FBXO15: variants seen among roughly 807,000 people sequenced by gnomAD.
FBXO15 encodes the protein F-box protein 15.
A neutral mutation model predicts 49.5 loss-of-function variants in FBXO15; 30 were observed. The ratio of observed to expected loss-of-function variants is 0.61; its 90% CI spans 0.45 to 0.82. The LOEUF (loss-of-function observed/expected upper bound fraction) is 0.82, where lower values mean the gene tolerates loss of function less well. Ranked by LOEUF, FBXO15 falls within the 40% of genes least tolerant of loss-of-function variation. The pLI, the probability that FBXO15 is intolerant of heterozygous loss-of-function variation, is 0.00. For synonymous variants in FBXO15, 250 were observed against 232.7 expected, an observed-to-expected ratio of 1.07 and a Z score of -0.68; for missense variants, 591 against 631.5, an observed-to-expected ratio of 0.94 and a Z score of 0.69.
chr18:74,097,082 T>C (rs1392326187), intron 8 of FBXO15: 2 of 152,234 alleles, frequency 1.3e-5, no homozygotes, highest in Admixed American at 1.3e-4. Flanking sequence ...AAAAGCCCTG[T>C]GGGCTCTCTG....
intron 7 of FBXO15, among the ~76,000 whole-genome samples, chr18:74,123,991 TA>T (rs879663317): frequency 0.034 from 4,766 of 140,656 alleles, 139 homozygotes; most frequent in African/African-American, 0.087. Context: ...CTCAGGTAAT[TA>T]AAAAAAAAAA....
intron 8 of FBXO15, among the ~76,000 whole-genome samples, chr18:74,091,712 C>T (rs558517586): frequency 6.6e-6 from 1 of 152,298 alleles, no homozygotes; most frequent in African/African-American, 2.4e-5. Context: ...TGACTAAAGG[C>T]ACTCATTCTT....
At chr18:74,147,428 C>A in intron 1 of FBXO15, 1 of 1,106,444 alleles carries the variant, frequency 9.0e-7, no homozygotes, top group Non-Finnish European at 1.1e-6. Context: ...CATCCCCGGC[C>A]ACAGGCGCCG....
chr18:74,107,996 A>T (rs55850345), intron 8 of FBXO15, among the ~76,000 whole-genome samples: 13,291 of 152,176 alleles, frequency 0.087, 811 homozygotes, highest in Admixed American at 0.2. Flanking sequence ...GAAGTTCACA[A>T]TCTGGGGTCA....
At chr18:74,116,579 C>T (rs1406660764) in intron 8 of FBXO15, among the ~76,000 whole-genome samples, 1 of 152,184 alleles carries the variant, frequency 6.6e-6, no homozygotes, top group Admixed American at 6.5e-5. Context: ...CCTACTACCT[C>T]GGCCTGGACC....
intron 8 of FBXO15, among the ~76,000 whole-genome samples, chr18:74,116,809 A>G (rs1279938425): frequency 6.6e-6 from 1 of 152,052 alleles, no homozygotes; most frequent in Non-Finnish European, 1.5e-5. Context: ...CCTGCATTCA[A>G]TAACGGTTTG....
chr18:74,124,529 G>A lies in FBXO15; in HGVS notation c.955C>T (p.His319Tyr), dbSNP rs747790032. 1 of 1,613,978 alleles carries A rather than the reference G, an allele frequency of 6.2e-7. No homozygotes were observed. Among genetic ancestry groups the A allele is most frequent in the African/African-American group, 1.3e-5 (1 of 74,924 alleles). Residue 319 changes from histidine (H) to tyrosine (Y), a missense_variant, in exon 7 of 10, where the codon CAT becomes TAT. By Grantham distance (83) the His-to-Tyr change is moderately conservative (BLOSUM62 2). Coordinates refer to ENST00000419743, the MANE Select transcript of FBXO15 (RefSeq NM_001142958.2). The part of the protein sequence containing the change: ...LAFVMANLHF[H>Y]HLVERSTLGS... ...AATGTGCTCCTCTCCACAAGGTGAT[G>A]AAAATGAAGATTTGCCATAACAAAA...
Position 74,140,257 on chromosome 18 carries a change from C to T in FBXO15, c.172G>A (p.Gly58Arg), listed in dbSNP as rs750173319. 78 of 1,551,464 alleles carry T rather than the reference C, an allele frequency of 5.0e-5. No homozygotes were observed. Among genetic ancestry groups the T allele is most frequent in the South Asian group, 3.8e-4 (32 of 84,046 alleles). The change falls in exon 2 of 10, where the codon GGA becomes AGA. Residue 58 changes from glycine to arginine, a missense_variant. Gly to Arg is a moderately radical substitution (Grantham distance 125). Coordinates refer to ENST00000419743, the MANE Select transcript of FBXO15 (RefSeq NM_001142958.2). ...AGSAALRCHA[G>R]GGQHWESSFS... ...GAGCTCTCCCAGTGCTGTCCACCTC[C>T]GGCATGGCACCTCAGGGCAGCAGAG...
rs964103794 is a variant in FBXO15, at chr18:74,102,520, T to C, written c.1139-20469A>G. Among the ~76,000 whole-genome samples the C allele has an allele frequency of 5.3e-5, 8 of 152,294 alleles. No individual in the cohort carries two copies. In the South Asian group the frequency reaches 1.7e-3, roughly 32 times the overall value. On this transcript the variant is annotated intron_variant, in intron 8 of 9. Coordinates refer to ENST00000419743, the MANE Select transcript of FBXO15 (RefSeq NM_001142958.2). Reference sequence around the variant, plus strand: ...TACTGCTGAAGGGAATGTAAACTAGTACAACCACTGTGGAAAATAGTGTGG... The same window carrying C: ...TACTGCTGAAGGGAATGTAAACTAGCACAACCACTGTGGAAAATAGTGTGG...
intron 8 of FBXO15, among the ~76,000 whole-genome samples, chr18:74,088,819 A>AT (rs1396778449): frequency 2.6e-5 from 4 of 152,094 alleles, no homozygotes; most frequent in South Asian, 4.1e-4. Flanking sequence ...AACAATATTG[A>AT]TTTTTCCTAT....
intron 8 of FBXO15, among the ~76,000 whole-genome samples, chr18:74,107,083 CA>C (rs201399664): frequency 0.011 from 1,624 of 151,814 alleles, 13 homozygotes; most frequent in Non-Finnish European, 0.014. Flanking sequence ...ATAAATTCTA[CA>C]TATTCTGAAT....
At chr18:74,090,017 T>C (rs1912950339) in intron 8 of FBXO15, among the ~76,000 whole-genome samples, 4 of 152,204 alleles carry the variant, frequency 2.6e-5, no homozygotes, top group African/African-American at 9.6e-5. Context: ...ATACAGCTGG[T>C]AGAATTTGGC....
chr18:74,077,878 T>G (rs1431807040), intron 9 of FBXO15, among the ~76,000 whole-genome samples: 1 of 152,148 alleles, frequency 6.6e-6, no homozygotes, highest in Admixed American at 6.5e-5. Context: ...CCCACCACCC[T>G]GCACGACCTT....
intron 3 of FBXO15, 115 bp downstream of exon 3, chr18:74,135,647 G>T (rs1204596986): frequency 3.2e-5 from 25 of 790,438 alleles, no homozygotes; most frequent in Non-Finnish European, 4.4e-5. Context: ...CCACTTGTGT[G>T]TAAAAATACT....
rs138656692 is a variant in FBXO15, at chr18:74,129,467, G to A, written c.723C>T (p.Thr241=). 1.9e-6 allele frequency: 3 copies of A among 1,613,866 alleles called. No individual in the cohort carries two copies. The highest frequency in any genetic ancestry group is 2.7e-5 in the African/African-American group (2 of 75,008). The change falls in exon 5 of 10, where the codon ACC becomes ACT. Residue 241 remains threonine (T), a synonymous_variant. Transcript: ENST00000419743. ...KKWPCLASLS[T]LDLCGMTPVF... is the part of the protein sequence containing the mutation. ...CTGGTGTCATGCCACATAAATCTAA[G>A]GTTGACAATGATGCTAGGCATGGCC...
At chr18:74,111,465 T>C (rs566257557) in intron 8 of FBXO15, among the ~76,000 whole-genome samples, 1 of 151,896 alleles carries the variant, frequency 6.6e-6, no homozygotes, top group African/African-American at 2.4e-5. Flanking sequence ...CAAGAAAAAA[T>C]TTAAAATGTT....
chr18:74,101,194 A>C (rs1221272675), intron 8 of FBXO15, among the ~76,000 whole-genome samples: 1 of 152,190 alleles, frequency 6.6e-6, no homozygotes, highest in African/African-American at 2.4e-5. Context: ...AACATATCAA[A>C]AAGATAATCC....
At chr18:74,095,523 T>C (rs2145134352) in intron 8 of FBXO15, among the ~76,000 whole-genome samples, 1 of 152,272 alleles carries the variant, frequency 6.6e-6, no homozygotes, top group East Asian at 1.9e-4. Flanking sequence ...AGTGGAGTAG[T>C]CAGAACACAT....
At chr18:74,105,511 C>T (rs183593104) in intron 8 of FBXO15, among the ~76,000 whole-genome samples, 70 of 152,178 alleles carry the variant, frequency 4.6e-4, no homozygotes, top group African/African-American at 1.5e-3. Context: ...ATGATCTTGG[C>T]TCACTGCAAC....
Sources: allele counts gnomAD v4.1 joint callset (sites outside exome capture counted in the v4.1 genomes callset), GRCh38; gene constraint gnomAD v4.1.1; transcripts MANE v1.5; gene names NCBI Gene and HGNC (gene_info 2026-07-23, HGNC 2026-07-21).